Variants in NHSL1 observed in about 807,000 individuals in gnomAD.
NHSL1 encodes NHS-like protein 1.
In NHSL1, 48 loss-of-function variants were observed where a neutral mutation model predicts 95.0. The observed-to-expected ratio is 0.51, with a 90% confidence interval of 0.40 to 0.64. NHSL1 has a LOEUF of 0.64. Ranked by LOEUF, NHSL1 falls within the 30% of genes least tolerant of loss-of-function variation. The probability of loss-of-function intolerance (pLI) is 0.00; values close to 1 mark genes in which losing one functional copy is unlikely to be tolerated. For synonymous variants in NHSL1, 783 were observed against 833.9 expected, an observed-to-expected ratio of 0.94 and a Z score of 1.05; for missense variants, 1,971 against 2,077.7, an observed-to-expected ratio of 0.95 and a Z score of 1.00.
chr6:138,569,347 C>T (rs142593145), intron 1 of NHSL1, among the ~76,000 whole-genome samples: 16 of 151,896 alleles, frequency 1.1e-4, no homozygotes, highest in Middle Eastern at 3.4e-3. Flanking sequence ...GAGTTTTTGG[C>T]AATCTGTGTA....
chr6:138,597,209 A>G (rs1281436014), intron 1 of NHSL1, among the ~76,000 whole-genome samples: 1 of 152,148 alleles, frequency 6.6e-6, no homozygotes, highest in East Asian at 1.9e-4. Flanking sequence ...ATAGAATACA[A>G]AAGCCTAATT....
chr6:138,450,990 C>T (rs1252042582), intron 3 of NHSL1, among the ~76,000 whole-genome samples: 3 of 152,168 alleles, frequency 2.0e-5, no homozygotes, highest in Non-Finnish European at 2.9e-5. Context: ...ACCATCCTCC[C>T]CTGCTCCTCC....
chr6:138,510,269 G>C (rs1562338249), intron 1 of NHSL1, among the ~76,000 whole-genome samples: 2 of 152,160 alleles, frequency 1.3e-5, no homozygotes, highest in African/African-American at 2.4e-5. Flanking sequence ...TAATCGGCTG[G>C]TGTGCTCAAC....
chr6:138,670,593 G>A (rs1281908611), intron 1 of NHSL1, among the ~76,000 whole-genome samples: 33 of 146,566 alleles, frequency 2.3e-4, no homozygotes, highest in African/African-American at 8.2e-4. Context: ...GTGAACCCGG[G>A]AGGCGGAGCT....
rs565419212 is a variant in NHSL1 at position 138,636,790 on chromosome 6, G to A, written c.96+55686C>T. 8.9e-4 allele frequency among the ~76,000 whole-genome samples: 136 copies of A among 152,182 alleles called. 1 individual carries two copies. The highest frequency in any genetic ancestry group is 2.9e-3 in the African/African-American group (121 of 41,558). The stretch of plus-strand genomic sequence containing the variant: ...CCAAAAAAATGGAAAAATATTCCAC[G>A]TTCATGGATTGGAAAAAATCAACAT... On this transcript the variant is annotated intron_variant, in intron 1 of 3. Coordinates refer to the NHSL1 transcript ENST00000491526.
At chr6:138,626,665 G>A (rs866515273) in intron 1 of NHSL1, among the ~76,000 whole-genome samples, 5 of 71,320 alleles carry the variant, frequency 7.0e-5, no homozygotes, top group Non-Finnish European at 8.0e-5. Context: ...AGGCCGAGGC[G>A]GGCGGATCAC....
intron 2 of NHSL1, among the ~76,000 whole-genome samples, chr6:138,482,009 A>G (rs1053433584): frequency 7.2e-5 from 11 of 152,364 alleles, no homozygotes; most frequent in African/African-American, 1.9e-4. Flanking sequence ...CTATAAAGAC[A>G]AAACATTCCA....
chr6:138,531,896 T>C (rs1300326400), intron 1 of NHSL1, among the ~76,000 whole-genome samples: 1 of 152,206 alleles, frequency 6.6e-6, no homozygotes, highest in African/African-American at 2.4e-5. Context: ...AACAAAGTAA[T>C]ATAGCCAACA....
chr6:138,588,026 G>T (rs911659957), intron 1 of NHSL1, among the ~76,000 whole-genome samples: 3 of 152,274 alleles, frequency 2.0e-5, no homozygotes, highest in African/African-American at 7.2e-5. Context: ...CTCGCCCCTT[G>T]GCGGCAGGAA....
In NHSL1 at chr6:138,444,524, G is replaced by A. The variant is rs535558266; in HGVS notation, c.533-2410C>T. Among the ~76,000 whole-genome samples, 27 of 151,530 alleles carry A rather than the reference G, an allele frequency of 1.8e-4. No individual in the cohort carries two copies. The East Asian group carries it at 5.2e-3, about 29-fold the overall frequency. ...AATTTTCAAGCCAGCAGCTCATGGT[G>A]CTAACATTCTACCTCTATGCATGGT... On this transcript the variant is annotated intron_variant, in intron 4 of 7. Coordinates refer to ENST00000343505, the MANE Select transcript of NHSL1 (RefSeq NM_001144060.2).
At chr6:138,507,777 T>C (rs571003758) in intron 1 of NHSL1, among the ~76,000 whole-genome samples, 4 of 152,302 alleles carry the variant, frequency 2.6e-5, no homozygotes, top group South Asian at 2.1e-4. Context: ...CTTTCTTCTG[T>C]TTCTGAATTA....
rs114124627 is a variant in NHSL1 at position 138,450,130 on chromosome 6, C to A, written c.340-2937G>T. On this transcript the variant is annotated intron_variant, in intron 3 of 7. Transcript: ENST00000343505. ...ACTGATGTAAATCAATTATTTCCAG[C>A]TGTTTTGCAGTTGTGACACTTAAGT... 3.5e-3 allele frequency among the ~76,000 whole-genome samples: 526 copies of A among 152,252 alleles called. 5 individuals carry two copies. The highest frequency in any genetic ancestry group is 0.012 in the African/African-American group (500 of 41,540).
intron 1 of NHSL1, among the ~76,000 whole-genome samples, chr6:138,660,595 C>T (rs1405136177): frequency 2.0e-5 from 3 of 150,838 alleles, no homozygotes; most frequent in African/African-American, 7.3e-5. Context: ...GAGCCGAGAT[C>T]GCGCCACTGC....
chr6:138,568,432 T>C (rs1260046139), intron 1 of NHSL1, among the ~76,000 whole-genome samples: 1 of 152,238 alleles, frequency 6.6e-6, no homozygotes, highest in Admixed American at 6.5e-5. Flanking sequence ...TATCTACCAC[T>C]GCATTCCACT....
intron 1 of NHSL1, among the ~76,000 whole-genome samples, chr6:138,639,245 C>T (rs1784928155): frequency 6.6e-6 from 1 of 152,124 alleles, no homozygotes; most frequent in African/African-American, 2.4e-5. Context: ...AGATAAAACA[C>T]ATTATCTAAA....
chr6:138,523,652 A>C (rs7382128), intron 1 of NHSL1, among the ~76,000 whole-genome samples: 3,190 of 150,184 alleles, frequency 0.021, 286 homozygotes, highest in Admixed American at 0.15. Context: ...AAAAAAAAAA[A>C]CAGAGCTAAA....
In NHSL1 at chr6:138,424,702, C is replaced by T. The variant is rs749924187; in HGVS notation, c.4200G>A (p.Lys1400=). Residue 1400 remains lysine (K), a synonymous_variant, in exon 8 of 8, where the codon AAG becomes AAA. Coordinates refer to ENST00000343505, the MANE Select transcript of NHSL1 (RefSeq NM_001144060.2). The surrounding 1 kb of genome is among the most constrained non-coding windows in gnomAD (Gnocchi z 5.9). The part of the protein sequence containing the change: ...TGAAPSLASP[K]QVGSIQRSIR... ...TGCTTCTCTGAATCGACCCCACTTGCTTTGGAGAGGCCAGGCTTGGGGCAG... is the reference window on the plus strand; with the variant it reads ...TGCTTCTCTGAATCGACCCCACTTGTTTTGGAGAGGCCAGGCTTGGGGCAG... 3.7e-5 allele frequency: 57 copies of T among 1,551,482 alleles called. No homozygotes were observed. Among genetic ancestry groups the T allele is most frequent in the South Asian group, 2.1e-4 (18 of 84,048 alleles).
chr6:138,612,385 G>A (rs1784526410), intron 1 of NHSL1, among the ~76,000 whole-genome samples: 1 of 152,064 alleles, frequency 6.6e-6, no homozygotes, highest in Non-Finnish European at 1.5e-5. Context: ...AGTGCCCGGG[G>A]AAGGATTAAA....
At chr6:138,509,422 G>T (rs1303044585) in intron 1 of NHSL1, among the ~76,000 whole-genome samples, 1 of 152,170 alleles carries the variant, frequency 6.6e-6, no homozygotes, top group African/African-American at 2.4e-5. Flanking sequence ...ATAATATCAA[G>T]AACCTGTTTG....
Sources: gnomAD v4.1 joint callset for allele counts (sites outside exome capture counted in the v4.1 genomes callset) on GRCh38, gnomAD v4.1.1 for gene constraint, Gnocchi (gnomAD v3.1) non-coding constraint, MANE v1.5 for transcripts, NCBI Gene and HGNC (gene_info 2026-07-23, HGNC 2026-07-21) for gene names.